TTLL11: variants seen among roughly 807,000 people sequenced by gnomAD.
The protein encoded by TTLL11 is tubulin tyrosine ligase like 11.
In TTLL11, 42 loss-of-function variants were observed where a neutral mutation model predicts 51.7. That is an observed-to-expected ratio of 0.81 (90% CI 0.64 to 1.05). The LOEUF (loss-of-function observed/expected upper bound fraction) is 1.05. TTLL11 is among the 50% of genes least tolerant of loss of function. The pLI is 0.00. For missense variants in TTLL11, 799 were observed against 940.4 expected (o/e 0.85, Z 1.97); for synonymous variants, 381 against 383.5 (o/e 0.99, Z 0.08).
At chr9:122,023,732 G>C (rs1290027655) in intron 3 of TTLL11, among the ~76,000 whole-genome samples, 2 of 151,404 alleles carry the variant, frequency 1.3e-5, no homozygotes, top group African/African-American at 4.8e-5. Flanking sequence ...AAAAAAAAGA[G>C]TGACAAAATC....
intron 6 of TTLL11, among the ~76,000 whole-genome samples, chr9:121,892,133 T>TATATATATAC (rs140143743): frequency 0.49 from 72,069 of 146,690 alleles, 17,842 homozygotes; most frequent in South Asian, 0.58. Context: ...CTTCTACCTT[T>TATATATATAC]ATATATATAC....
intron 3 of TTLL11, among the ~76,000 whole-genome samples, chr9:122,023,670 T>C (rs1844242604): frequency 6.6e-6 from 1 of 151,062 alleles, no homozygotes; most frequent in Non-Finnish European, 1.5e-5. Flanking sequence ...CTCAACCACA[T>C]TAACAAGCTA....
At position 121,909,713 on chromosome 9, in the gene TTLL11, C is replaced by T. The variant is rs571013206; in HGVS notation, c.1482-38965G>A. On this transcript the variant is annotated intron_variant, in intron 6 of 8. Coordinates refer to ENST00000321582, the MANE Select transcript of TTLL11 (RefSeq NM_001139442.2). ...ATATCTGGTGGAGGCATCATGCACA[C>T]AGACAGCTCACTCAGTGCAAGGCAA... Among the ~76,000 whole-genome samples, 8 of 152,280 alleles carry T rather than the reference C, an allele frequency of 5.3e-5. No individual in the cohort carries two copies. In the East Asian group the frequency reaches 1.4e-3, roughly 26 times the overall value.
At chr9:121,977,968 TC>T (rs2131666598) in intron 4 of TTLL11, among the ~76,000 whole-genome samples, 1 of 152,214 alleles carries the variant, frequency 6.6e-6, no homozygotes, top group African/African-American at 2.4e-5. Context: ...AGCCACCGCG[TC>T]CGGCCCAGAA....
intron 8 of TTLL11, among the ~76,000 whole-genome samples, chr9:121,826,549 A>ATATATGTG (rs1564260583): frequency 3.3e-5 from 1 of 30,074 alleles, no homozygotes; most frequent in African/African-American, 1.1e-4. Context: ...ATATATATAT[A>ATATATGTG]TGTGTGTGTA....
At position 121,822,925 on chromosome 9, in the gene TTLL11, C is replaced by T. The variant is rs952734119; in HGVS notation, c.1841-46G>A. ...TGAGGGGGTGCACACAGCTGCCCTA[C>T]GCTGCCCTGGGAAGGCCCACCTCCA... On this transcript the variant is annotated intron_variant, in intron 8 of 8. Transcript: ENST00000321582. The surrounding 1 kb of genome is among the most constrained non-coding windows in gnomAD (Gnocchi z 5.8). 52 of 1,498,104 alleles carry T rather than the reference C, an allele frequency of 3.5e-5. No individual in the cohort carries two copies. Among genetic ancestry groups the T allele is most frequent in the East Asian group, 5.0e-5 (2 of 40,094 alleles). 92.8% of individuals were successfully genotyped at this position (1,498,104 alleles called of 1,614,324 possible).
rs148036470 is a variant in TTLL11, at chr9:121,938,945, G to T, written c.1481+35064C>A. On this transcript the variant is annotated intron_variant, in intron 6 of 8. Coordinates refer to ENST00000321582, the MANE Select transcript of TTLL11 (RefSeq NM_001139442.2). ...GTATTTACAAGGCACTGTTCTAGGT[G>T]CAAGGGATAAGGCAGCAAACCGAAG... Among the ~76,000 whole-genome samples, 595 of 152,292 alleles carry T rather than the reference G, an allele frequency of 3.9e-3. 3 individuals are homozygous for T. Among genetic ancestry groups the T allele is most frequent in the African/African-American group, 0.014 (580 of 41,554 alleles).
chr9:121,874,118 A>G (rs1838473780), intron 6 of TTLL11, among the ~76,000 whole-genome samples: 1 of 151,880 alleles, frequency 6.6e-6, no homozygotes, highest in African/African-American at 2.4e-5. Context: ...CAGCCTCCCA[A>G]AGTGCTGGGA....
Position 121,816,556 on chromosome 9 carries a change from G to GTA in TTLL11, c.*6030_*6031insTA, listed in dbSNP as rs34709774. The GTA allele has an allele frequency of 3.3e-4, 6 of 18,398 alleles. No individual in the cohort carries two copies. The African/African-American group carries it at 4.0e-3, about 12-fold the overall frequency. 1.1% of individuals were successfully genotyped at this position (18,398 alleles called of 1,614,324 possible). ...TCAGTGTGTGTGTGTGCGTGCGCAC[G>GTA]TGTGTGCATGCGTGTGCGTGTGTGC... On this transcript the variant is annotated 3_prime_UTR_variant, in exon 9 of 9. Coordinates refer to ENST00000321582, the MANE Select transcript of TTLL11 (RefSeq NM_001139442.2).
chr9:122,021,226 A>C (rs1017343575), intron 3 of TTLL11, among the ~76,000 whole-genome samples: 1 of 146,800 alleles, frequency 6.8e-6, no homozygotes, highest in Admixed American at 6.7e-5. Flanking sequence ...CTTGAGAAAG[A>C]TTCCAGGCTG....
chr9:121,989,558 G>C lies in TTLL11; in HGVS notation c.906C>G (p.Val302=). Residue 302 remains valine (V), a synonymous_variant, in exon 4 of 9, where the codon GTC becomes GTG. Coordinates refer to ENST00000321582, the MANE Select transcript of TTLL11 (RefSeq NM_001139442.2). The surrounding 1 kb of genome is among the most constrained non-coding windows in gnomAD (Gnocchi z 4.2). ...DKLKFDIRLY[V]LLKSLDPLEI... is the part of the protein sequence containing the mutation. ...CTAAGGGGTCTAAGGACTTGAGTAA[G>C]ACATACAGACGAATATCAAACTTGA... 1.9e-6 allele frequency: 3 copies of C among 1,614,164 alleles called. No individual in the cohort carries two copies. The highest frequency in any genetic ancestry group is 2.5e-6 in the Non-Finnish European group (3 of 1,180,038).
intron 6 of TTLL11, among the ~76,000 whole-genome samples, chr9:121,899,398 TATATACAC>T (rs1349172926): frequency 1.3e-5 from 1 of 78,262 alleles, no homozygotes; most frequent in Non-Finnish European, 3.1e-5. Context: ...TATATATATA[TATATACAC>T]ACACACACAC....
intron 6 of TTLL11, among the ~76,000 whole-genome samples, chr9:121,946,625 G>A (rs537757574): frequency 1.3e-5 from 2 of 152,326 alleles, no homozygotes; most frequent in South Asian, 4.1e-4. Flanking sequence ...TGCTAAGCCC[G>A]CTGACTTATT....
At chr9:121,849,962 C>G (rs1025676672) in intron 8 of TTLL11, among the ~76,000 whole-genome samples, 4 of 152,136 alleles carry the variant, frequency 2.6e-5, no homozygotes, top group African/African-American at 9.7e-5. Context: ...CTGCTGTATA[C>G]TTCAAATTAT....
chr9:121,947,150 G>A (rs999938559), intron 6 of TTLL11, among the ~76,000 whole-genome samples: 9 of 152,254 alleles, frequency 5.9e-5, no homozygotes, highest in African/African-American at 2.2e-4. Context: ...TTGCAGAGCT[G>A]AGCTCAAGCT....
Position 121,860,408 on chromosome 9 carries a change from G to T in TTLL11, c.1769C>A (p.Ala590Asp), listed in dbSNP as rs955186925. ...GTCAATGTAGAGGATGTCCACGGCA[G>T]CCATGGACAGGCTGCTGCTGCTGAG... ...CKLSSSSLSM[A>D]AVDILYIDIT... The change falls in exon 8 of 9, where the codon GCT becomes GAT. Residue 590 changes from alanine to aspartate, a missense_variant. Ala to Asp is a moderately radical substitution (Grantham distance 126, BLOSUM62 -2). Transcript: ENST00000321582. 1.9e-6 allele frequency: 3 copies of T among 1,551,278 alleles called. No homozygotes were observed. Among genetic ancestry groups the T allele is most frequent in the Non-Finnish European group, 2.6e-6 (3 of 1,146,972 alleles).
At chr9:121,911,773 T>C (rs369531258) in intron 6 of TTLL11, among the ~76,000 whole-genome samples, 7 of 151,552 alleles carry the variant, frequency 4.6e-5, no homozygotes, top group African/African-American at 1.7e-4. Flanking sequence ...CACACCGGGG[T>C]CTGTTGTGGG....
intron 1 of TTLL11, among the ~76,000 whole-genome samples, chr9:122,078,312 A>G (rs961458304): frequency 2.0e-5 from 3 of 152,248 alleles, no homozygotes; most frequent in African/African-American, 4.8e-5. Flanking sequence ...AAAATACTCT[A>G]AATGACCCAA....
At chr9:122,022,181 T>A (rs893229585) in intron 3 of TTLL11, among the ~76,000 whole-genome samples, 32 of 151,992 alleles carry the variant, frequency 2.1e-4, no homozygotes, top group African/African-American at 6.8e-4. Context: ...TAGAGTGAAG[T>A]AGAAGTGAAG....
Sources: allele counts gnomAD v4.1 joint callset (sites outside exome capture counted in the v4.1 genomes callset), GRCh38; gene constraint gnomAD v4.1.1; non-coding constraint Gnocchi (gnomAD v3.1); transcripts MANE v1.5; gene names NCBI Gene and HGNC (gene_info 2026-07-23, HGNC 2026-07-21).